The following KCNH8 variants were observed in gnomAD, a reference collection of about 807,000 sequenced individuals.
KCNH8 encodes the protein potassium voltage-gated channel subfamily H member 8.
In KCNH8, 70 loss-of-function variants were observed where a neutral mutation model predicts 103.6. The observed-to-expected ratio is 0.68, with a 90% CI of 0.56 to 0.82. The LOEUF is 0.82. KCNH8 is among the 40% of genes least tolerant of loss of function. The probability of loss-of-function intolerance (pLI) is 0.00; values close to 1 mark genes in which losing one functional copy is unlikely to be tolerated. For missense variants in KCNH8, 1,217 were observed against 1,329.9 expected (o/e 0.92, Z 1.32); for synonymous variants, 498 against 489.4 (o/e 1.02, Z -0.23).
In KCNH8 at chr3:19,200,312, G is replaced by A. The variant is rs77362746; in HGVS notation, c.76+51517G>A. Among the ~76,000 whole-genome samples, 1,164 of 152,062 alleles carry A rather than the reference G, an allele frequency of 7.7e-3. 14 individuals are homozygous for A. The highest frequency in any genetic ancestry group is 0.026 in the African/African-American group (1,075 of 41,524). On this transcript the variant is annotated intron_variant, in intron 1 of 15. Transcript: ENST00000328405. ...GAAACATAAGCACAAATAACTGGTA[G>A]TTTATTTGTTTTTATGTGTCTGTTT...
chr3:19,255,324 G>A (rs556777558), intron 2 of KCNH8, among the ~76,000 whole-genome samples: 6 of 152,060 alleles, frequency 3.9e-5, no homozygotes, highest in East Asian at 1.9e-4. Context: ...AAACTAATAC[G>A]CATATATTAA....
chr3:19,512,343 C>G (rs1229224189), intron 12 of KCNH8, among the ~76,000 whole-genome samples: 1 of 152,108 alleles, frequency 6.6e-6, no homozygotes, highest in Non-Finnish European at 1.5e-5. Context: ...TTTTTCCTTC[C>G]TTTTCCAAGG....
chr3:19,164,928 T>C (rs1336467805), intron 1 of KCNH8, among the ~76,000 whole-genome samples: 4 of 152,162 alleles, frequency 2.6e-5, no homozygotes, highest in Non-Finnish European at 4.4e-5. Context: ...TTCAGAGTTA[T>C]CTGTAAAGCA....
At chr3:19,469,675 C>G (rs1040216573) in intron 11 of KCNH8, among the ~76,000 whole-genome samples, 2 of 152,088 alleles carry the variant, frequency 1.3e-5, no homozygotes, top group African/African-American at 4.8e-5. Flanking sequence ...AACATAGTAT[C>G]TTGAAGGAAG....
intron 2 of KCNH8, among the ~76,000 whole-genome samples, chr3:19,258,947 CTATATATATATATA>C (rs71055060): frequency 6.0e-4 from 15 of 24,800 alleles, no homozygotes; most frequent in South Asian, 2.9e-3. Context: ...CTCTCTCTCT[CTATATATATATATA>C]TATATATATA....
chr3:19,458,854 T>C (rs1247897951), intron 11 of KCNH8, among the ~76,000 whole-genome samples: 1 of 152,036 alleles, frequency 6.6e-6, no homozygotes, highest in East Asian at 1.9e-4. Context: ...GTAGTATTTG[T>C]CTTTCTATAC....
At chr3:19,324,927 A>G (rs1295865472) in intron 3 of KCNH8, among the ~76,000 whole-genome samples, 1 of 152,208 alleles carries the variant, frequency 6.6e-6, no homozygotes, top group Non-Finnish European at 1.5e-5. Flanking sequence ...AGGCTACCTG[A>G]TTTCAAACTG....
intron 11 of KCNH8, among the ~76,000 whole-genome samples, chr3:19,475,904 A>G (rs2067963722): frequency 6.6e-6 from 1 of 152,184 alleles, no homozygotes; most frequent in African/African-American, 2.4e-5. Context: ...TTTAGTCAAT[A>G]TATAACTAGC....
At chr3:19,215,556 T>C (rs2063810199) in intron 1 of KCNH8, among the ~76,000 whole-genome samples, 1 of 152,240 alleles carries the variant, frequency 6.6e-6, no homozygotes, top group Non-Finnish European at 1.5e-5. Flanking sequence ...TTGTCTCTTT[T>C]CCATGATCCC....
intron 3 of KCNH8, among the ~76,000 whole-genome samples, chr3:19,326,032 C>T (rs1346284247): frequency 6.6e-6 from 1 of 152,092 alleles, no homozygotes; most frequent in African/African-American, 2.4e-5. Context: ...ATGCCTTTTG[C>T]AGGGACATTG....
intron 15 of KCNH8, among the ~76,000 whole-genome samples, chr3:19,520,701 G>T (rs1335009910): frequency 6.6e-6 from 1 of 151,854 alleles, no homozygotes; most frequent in African/African-American, 2.4e-5. Flanking sequence ...GATAATAAAT[G>T]TGGGATGCAC....
chr3:19,149,445 T>C (rs2063107448), intron 1 of KCNH8, among the ~76,000 whole-genome samples: 1 of 151,332 alleles, frequency 6.6e-6, no homozygotes. Context: ...AAGAGAAAGT[T>C]TTTAGTTTTT....
intron 2 of KCNH8, among the ~76,000 whole-genome samples, chr3:19,271,394 T>G (rs2064586396): frequency 1.3e-5 from 2 of 152,186 alleles, no homozygotes; most frequent in Non-Finnish European, 2.9e-5. Context: ...AAAGAAACAC[T>G]GAATTCTCCA....
At chr3:19,227,020 G>T (rs575412025) in intron 1 of KCNH8, among the ~76,000 whole-genome samples, 1 of 152,208 alleles carries the variant, frequency 6.6e-6, no homozygotes. Context: ...GACTCCTTTT[G>T]CCTGGATAGG....
intron 1 of KCNH8, among the ~76,000 whole-genome samples, chr3:19,213,490 CA>C (rs1480339698): frequency 6.6e-6 from 1 of 152,114 alleles, no homozygotes; most frequent in Non-Finnish European, 1.5e-5. Context: ...TGATTAATAT[CA>C]AAAAACAAAG....
chr3:19,412,237 C>T (rs1470863683), intron 7 of KCNH8, among the ~76,000 whole-genome samples: 1 of 151,926 alleles, frequency 6.6e-6, no homozygotes, highest in Non-Finnish European at 1.5e-5. Context: ...GAAATAAAGC[C>T]ATACACCTAC....
At chr3:19,248,205 G>T (rs779931294) in intron 1 of KCNH8, among the ~76,000 whole-genome samples, 23 of 152,094 alleles carry the variant, frequency 1.5e-4, no homozygotes, top group Admixed American at 1.3e-4. Context: ...ATACAAATTT[G>T]TTGGCCAGTA....
chr3:19,477,379 T>C (rs1051358514), intron 11 of KCNH8, among the ~76,000 whole-genome samples: 1 of 152,012 alleles, frequency 6.6e-6, no homozygotes. Flanking sequence ...ATGCCAGACA[T>C]TGGACCGAGA....
chr3:19,311,781 G>A lies in KCNH8; in HGVS notation c.442+30452G>A, dbSNP rs190118658. On this transcript the variant is annotated intron_variant, in intron 3 of 15. Transcript: ENST00000328405. ...CAGAGCCAAAGAGACATTATGAGATGCGGACATACATACTGTTGACTACAT... is the reference window on the plus strand; with the variant it reads ...CAGAGCCAAAGAGACATTATGAGATACGGACATACATACTGTTGACTACAT... 7.2e-5 allele frequency among the ~76,000 whole-genome samples: 11 copies of A among 151,988 alleles called. No individual in the cohort carries two copies. In the East Asian group the frequency reaches 2.1e-3, roughly 30 times the overall value.
Sources: gnomAD v4.1 joint callset for allele counts (sites outside exome capture counted in the v4.1 genomes callset) on GRCh38, gnomAD v4.1.1 for gene constraint, MANE v1.5 for transcripts, NCBI Gene and HGNC (gene_info 2026-07-23, HGNC 2026-07-21) for gene names.